Variants in TEX11 observed in about 807,000 individuals in gnomAD.
The protein encoded by TEX11 is testis expressed 11.
TEX11 carries 7 observed loss-of-function variants against 84.4 expected under a neutral mutation model. That is an observed-to-expected ratio of 0.08 (90% CI 0.05 to 0.16). The LOEUF (loss-of-function observed/expected upper bound fraction) is 0.16. Among genes scored for constraint, TEX11 ranks in the 10% least tolerant of loss-of-function variants. The probability of loss-of-function intolerance (pLI) is 1.00; values close to 1 mark genes in which losing one functional copy is unlikely to be tolerated. For synonymous variants in TEX11, 264 were observed against 222.8 expected, an observed-to-expected ratio of 1.18 and a Z score of -1.64; for missense variants, 551 against 660.5, an observed-to-expected ratio of 0.83 and a Z score of 1.82.
chrX:70,566,907 T>C (rs1455259593), intron 25 of TEX11, among the ~76,000 whole-genome samples: 3 of 111,952 alleles, frequency 2.7e-5, no homozygotes, highest in Non-Finnish European at 5.6e-5. Flanking sequence ...ATCAGAATGA[T>C]GCTGGCCTCA....
intron 11 of TEX11, among the ~76,000 whole-genome samples, chrX:70,734,677 G>T (rs1043562297): frequency 8.9e-6 from 1 of 112,239 alleles, no homozygotes; most frequent in African/African-American, 3.2e-5. Flanking sequence ...TCAGCATTCT[G>T]TATACCTCTC....
intron 17 of TEX11, among the ~76,000 whole-genome samples, chrX:70,641,034 A>G (rs1308951989): frequency 1.8e-5 from 2 of 110,990 alleles, no homozygotes; most frequent in African/African-American, 6.6e-5. Context: ...TCTCACTTGC[A>G]GAGACACACA....
chrX:70,617,144 T>A (rs1327337128), intron 20 of TEX11, among the ~76,000 whole-genome samples: 1 of 109,959 alleles, frequency 9.1e-6, no homozygotes, highest in Non-Finnish European at 1.9e-5. Flanking sequence ...ACATCTACTA[T>A]GTACCCAGAA....
chrX:70,600,372 C>A (rs1025191477), intron 24 of TEX11, among the ~76,000 whole-genome samples: 1 of 110,934 alleles, frequency 9.0e-6, no homozygotes, highest in African/African-American at 3.3e-5. Flanking sequence ...TAAAGCAAGT[C>A]CTGAGTGACC....
chrX:70,640,966 C>A (rs943445509), intron 17 of TEX11, among the ~76,000 whole-genome samples: 4 of 110,880 alleles, frequency 3.6e-5, no homozygotes, highest in African/African-American at 6.6e-5. Flanking sequence ...TTAAAAGACA[C>A]AGACTGGCAA....
At chrX:70,898,426 G>A (rs2091784825) in intron 2 of TEX11, among the ~76,000 whole-genome samples, 1 of 111,096 alleles carries the variant, frequency 9.0e-6, no homozygotes, top group African/African-American at 3.3e-5. Flanking sequence ...GAACACGCCA[G>A]AGGGCAAAGC....
chrX:70,676,131 T>C (rs1031518398), intron 15 of TEX11, among the ~76,000 whole-genome samples: 1 of 112,347 alleles, frequency 8.9e-6, no homozygotes, highest in Non-Finnish European at 1.9e-5. Flanking sequence ...ATTTTATTTA[T>C]CCACTCATTT....
At chrX:70,532,425 GA>G (rs750918204) in intron 28 of TEX11, among the ~76,000 whole-genome samples, 3 of 112,707 alleles carry the variant, frequency 2.7e-5, no homozygotes, top group African/African-American at 9.6e-5. Flanking sequence ...GGAAAACACA[GA>G]CAGGGAGACG....
intron 25 of TEX11, among the ~76,000 whole-genome samples, chrX:70,557,966 C>T (rs1294451090): frequency 1.3e-4 from 14 of 110,827 alleles, no homozygotes; most frequent in South Asian, 7.7e-4. Context: ...CTGGCTAACT[C>T]GGTGAAACCC....
intron 24 of TEX11, among the ~76,000 whole-genome samples, chrX:70,596,751 G>A (rs2089012017): frequency 9.1e-6 from 1 of 110,389 alleles, no homozygotes. Context: ...AAATTGAACT[G>A]TAAGCAAGCA....
chrX:70,843,426 T>C (rs1228126321), intron 7 of TEX11, among the ~76,000 whole-genome samples: 3 of 111,817 alleles, frequency 2.7e-5, no homozygotes, highest in Non-Finnish European at 5.6e-5. Context: ...TGAAGCTGGA[T>C]CCCTTCCTTA....
intron 2 of TEX11, among the ~76,000 whole-genome samples, chrX:70,906,087 AAAAAT>A: frequency 9.0e-5 from 1 of 11,121 alleles, no homozygotes; most frequent in Non-Finnish European, 1.3e-4. Flanking sequence ...AAAAAAAAAA[AAAAAT>A]ATATATATAT....
chrX:70,714,718 CA>C (rs2090479444), intron 13 of TEX11, among the ~76,000 whole-genome samples: 1 of 111,515 alleles, frequency 9.0e-6, no homozygotes, highest in African/African-American at 3.3e-5. Context: ...CTGAATACAG[CA>C]CACTGATGGG....
In TEX11 at chrX:70,856,979, T is replaced by C. The variant is rs140264090; in HGVS notation, c.325-3651A>G. 9.2e-4 allele frequency among the ~76,000 whole-genome samples: 103 copies of C among 111,516 alleles called. No homozygotes were observed. In the East Asian group the frequency reaches 0.026, roughly 28 times the overall value. ...TTGGAGAGGGGGTGGGAGGACTAGA[T>C]ATTTGATTTGGGGAAATCTTTGTTA... On this transcript the variant is annotated intron_variant, in intron 5 of 29. Coordinates refer to ENST00000374333, the MANE Select transcript of TEX11 (RefSeq NM_031276.3).
chrX:70,645,243 C>T (rs949311938), intron 17 of TEX11, among the ~76,000 whole-genome samples: 1 of 109,362 alleles, frequency 9.1e-6, no homozygotes, highest in Admixed American at 9.8e-5. Flanking sequence ...CAAATTCTTC[C>T]AAAAAATGGA....
intron 9 of TEX11, among the ~76,000 whole-genome samples, chrX:70,776,075 T>C (rs918767857): frequency 4.7e-5 from 5 of 107,168 alleles, no homozygotes; most frequent in Admixed American, 4.0e-4. Context: ...AAACTTATAA[T>C]AGAACTATAT....
Position 70,682,714 on chromosome X carries a change from T to G in TEX11, c.1116A>C (p.Glu372Asp). ...CAATCTTCTCCTTGGCAAGAAGTTCTTCCTTCCTTTGTAAAAGCATGTCAG... is the reference window on the plus strand; with the variant it reads ...CAATCTTCTCCTTGGCAAGAAGTTCGTCCTTCCTTTGTAAAAGCATGTCAG... Reference protein sequence around the residue: ...LHTDMLLQRKEELLAKEKIEE... With the variant: ...LHTDMLLQRKDELLAKEKIEE... Residue 372 changes from glutamate (E) to aspartate (D), a missense_variant, in exon 14 of 30, where the codon GAA becomes GAC. Glu to Asp is a conservative substitution (Grantham distance 45). Transcript: ENST00000374333. The G allele has an allele frequency of 8.3e-7, 1 of 1,210,596 alleles. No homozygotes were observed. Among genetic ancestry groups the G allele is most frequent in the Non-Finnish European group, 1.1e-6 (1 of 894,931 alleles).
chrX:70,826,643 G>C (rs920413230), intron 8 of TEX11, among the ~76,000 whole-genome samples: 3 of 111,808 alleles, frequency 2.7e-5, no homozygotes, highest in African/African-American at 9.7e-5. Context: ...ATTGAACTCA[G>C]TGCTGCACAG....
chrX:70,705,629 C>A (rs1199264934), intron 13 of TEX11, among the ~76,000 whole-genome samples: 1 of 111,358 alleles, frequency 9.0e-6, no homozygotes, highest in Admixed American at 9.5e-5. Context: ...AACAAACAAC[C>A]CCATCAAAAA....
Sources: allele counts gnomAD v4.1 joint callset (sites outside exome capture counted in the v4.1 genomes callset), GRCh38; gene constraint gnomAD v4.1.1; transcripts MANE v1.5; gene names NCBI Gene and HGNC (gene_info 2026-07-23, HGNC 2026-07-21).